BAIAP3: variants seen among roughly 807,000 people sequenced by gnomAD.
BAIAP3 encodes BAI1-associated protein 3.
In BAIAP3, 180 loss-of-function variants were observed where a neutral mutation model predicts 149.7. That is an observed-to-expected ratio of 1.20 (90% CI 1.07 to 1.36). BAIAP3 has a LOEUF of 1.36. Ranked by LOEUF, BAIAP3 falls within the 40% of genes most tolerant of loss-of-function variation. BAIAP3 has a pLI of 0.00. For synonymous variants in BAIAP3, 845 were observed against 670.7 expected, an observed-to-expected ratio of 1.26 and a Z score of -4.02; for missense variants, 1,767 against 1,563.4, an observed-to-expected ratio of 1.13 and a Z score of -2.20.
rs758503563 is a variant in BAIAP3 at position 1,346,155 on chromosome 16, C to A, written c.2302-15C>A. On this transcript the variant is annotated splice_polypyrimidine_tract_variant and intron_variant, in intron 24 of 33. Transcript: ENST00000426824. ...AGGCCCCGGACCCATCGTTGCCTGGCCACACCTCCTCCAGCTCTGCGTGGT... is the reference window on the plus strand; with the variant it reads ...AGGCCCCGGACCCATCGTTGCCTGGACACACCTCCTCCAGCTCTGCGTGGT... 4 of 1,609,336 alleles carry A rather than the reference C, an allele frequency of 2.5e-6. No individual in the cohort carries two copies. The South Asian group carries it at 3.3e-5, about 13-fold the overall frequency.
At chr16:1,345,946 G>A (rs1357879782) in intron 23 of BAIAP3, 40 bp from the exon 24 acceptor site, 4 of 1,588,502 alleles carry the variant, frequency 2.5e-6, no homozygotes, top group Non-Finnish European at 3.4e-6. Context: ...GATGGGGCAG[G>A]GGAGGGCTCC....
intron 5 of BAIAP3, 27 bp downstream of exon 5, chr16:1,339,630 A>C (rs772743434): frequency 8.9e-6 from 14 of 1,570,030 alleles, no homozygotes; most frequent in Non-Finnish European, 1.1e-5. Flanking sequence ...CCCGACCCAG[A>C]CCCTGACAGC....
Position 1,349,353 on chromosome 16 carries a change from C to A in BAIAP3, c.*871C>A, listed in dbSNP as rs764102495. 1 of 1,499,784 alleles carries A rather than the reference C, an allele frequency of 6.7e-7. No homozygotes were observed. The highest frequency in any genetic ancestry group is 1.7e-5 in the Admixed American group (1 of 59,816). 92.9% of individuals were successfully genotyped at this position (1,499,784 alleles called of 1,614,324 possible). A position where few individuals can be genotyped will look rare whatever the true frequency, so the allele number is the denominator to read the frequency against. On this transcript the variant is annotated 3_prime_UTR_variant, in exon 34 of 34. Transcript: ENST00000426824. The stretch of plus-strand genomic sequence containing the variant: ...CAGTCCTGCCAGCAGCCGCAAAGAG[C>A]CGAGGCTGCCAGGCCCATTTATGTC...
At chr16:1,342,484 A>C in intron 11 of BAIAP3, 43 bp from the exon 12 acceptor site, 1 of 1,505,218 alleles carries the variant, frequency 6.6e-7, no homozygotes. Flanking sequence ...GTGGAAGGGG[A>C]GGGGGAGGAG....
intron 2 of BAIAP3, 52 bp downstream of exon 2, chr16:1,338,732 G>C (rs1199305206): frequency 1.3e-6 from 2 of 1,561,402 alleles, no homozygotes; most frequent in African/African-American, 1.4e-5. Context: ...TTTCCCGCCA[G>C]ACTTCACACA....
In BAIAP3 at chr16:1,341,484, C is replaced by A; in HGVS notation, c.726C>A (p.Phe242Leu). ...TGAACCCCGTCTGGAAGGAGCACTTCCTCTTGTGAGGCCCTCGCCCGTCTG... is the reference window on the plus strand; with the variant it reads ...TGAACCCCGTCTGGAAGGAGCACTTACTCTTGTGAGGCCCTCGCCCGTCTG... ...STLNPVWKEH[F>L]LFEIEDVSTD... Residue 242 changes from phenylalanine to leucine, a missense_variant, in exon 8 of 34, where the codon TTC becomes TTA. Transcript: ENST00000426824. 1 of 1,607,770 alleles carries A rather than the reference C, an allele frequency of 6.2e-7. No individual in the cohort carries two copies. Among genetic ancestry groups the A allele is most frequent in the African/African-American group, 1.3e-5 (1 of 74,964 alleles).
intron 2 of BAIAP3, 91 bp downstream of exon 2, chr16:1,338,771 C>A: frequency 6.4e-7 from 1 of 1,571,146 alleles, no homozygotes; most frequent in Non-Finnish European, 8.6e-7. Flanking sequence ...CACCCCTGGG[C>A]GGGAAGGAGG....
Position 1,344,163 on chromosome 16 carries a change from G to A in BAIAP3, c.1511+17G>A, listed in dbSNP as rs768122213. The A allele has an allele frequency of 2.5e-6, 4 of 1,611,936 alleles. No individual in the cohort carries two copies. The highest frequency in any genetic ancestry group is 2.7e-5 in the African/African-American group (2 of 74,918). On this transcript the variant is annotated intron_variant, in intron 16 of 33. Transcript: ENST00000426824. ...GCTGCTGAAGTGGGTGCAGCGCCGC[G>A]TGTCAGCGTGGGTGGGGGCGGCTGG...
intron 14 of BAIAP3, 128 bp downstream of exon 14, chr16:1,343,144 AGGT>A (rs2034045363): frequency 1.8e-6 from 2 of 1,091,704 alleles, no homozygotes; most frequent in South Asian, 3.0e-5. Context: ...GGTGCTGAGT[AGGT>A]GGGGCTGCGC....
Position 1,344,960 on chromosome 16 carries a change from C to A in BAIAP3, c.1810-9C>A. On this transcript the variant is annotated splice_polypyrimidine_tract_variant and intron_variant, in intron 20 of 33. Transcript: ENST00000426824. ...GCTGCTGGAGGCCTGATCCTGCTGT[C>A]CCGGACAGGTGGCTGAGGAGGCGTG... The A allele has an allele frequency of 6.2e-7, 1 of 1,613,370 alleles. No homozygotes were observed. The highest frequency in any genetic ancestry group is 8.5e-7 in the Non-Finnish European group (1 of 1,179,994).
At position 1,347,537 on chromosome 16, in the gene BAIAP3, C is replaced by G. The variant is rs373949760; in HGVS notation, c.2824-8C>G. 1.4e-4 allele frequency: 228 copies of G among 1,601,328 alleles called. 1 individual carries two copies. In the African/African-American group the frequency reaches 2.7e-3, roughly 19 times the overall value. ...CAGGGGCCCCTCCTGATGCGCTTCC[C>G]CCTGCAGAGGCTGAAGGAGGAGCTG... On this transcript the variant is annotated splice_region_variant and splice_polypyrimidine_tract_variant and intron_variant, in intron 29 of 33. Transcript: ENST00000426824.
At position 1,341,310 on chromosome 16, in the gene BAIAP3, C is replaced by T. The variant is rs1194227097; in HGVS notation, c.552C>T (p.Tyr184=). The T allele has an allele frequency of 1.2e-6, 2 of 1,611,004 alleles. No homozygotes were observed. The highest frequency in any genetic ancestry group is 2.2e-5 in the East Asian group (1 of 44,844). ...CGTGCCCAGGCTTCAGCGACCCATA[C>T]TGCATGCTGGGCATCCTGCCTGCCT... is the stretch of plus-strand genomic sequence containing the variant. ...AKDPNGFSDP[Y]CMLGILPASD... Residue 184 remains tyrosine (Y), a synonymous_variant, in exon 8 of 34, where the codon TAC becomes TAT. Coordinates refer to ENST00000426824, the MANE Select transcript of BAIAP3 (RefSeq NM_001199097.2).
intron 1 of BAIAP3, chr16:1,336,299 TG>T (rs1211233893): frequency 6.1e-6 from 6 of 985,222 alleles, no homozygotes; most frequent in Non-Finnish European, 7.2e-6. Context: ...CGACTGGCTG[TG>T]GGGGTGACAG....
chr16:1,348,364 C>G lies in BAIAP3; in HGVS notation c.3356-15C>G. ...CTGACCCCGGCCCCCACACACCTGC[C>G]CGCGCTGCTTGCAGTGAGATCTGCG... On this transcript the variant is annotated splice_polypyrimidine_tract_variant and intron_variant, in intron 33 of 33. Coordinates refer to ENST00000426824, the MANE Select transcript of BAIAP3 (RefSeq NM_001199097.2). The G allele has an allele frequency of 6.2e-7, 1 of 1,611,198 alleles. No homozygotes were observed. The highest frequency in any genetic ancestry group is 2.2e-5 in the East Asian group (1 of 44,822).
Position 1,349,374 on chromosome 16 carries a change from A to C in BAIAP3, c.*892A>C. The C allele has an allele frequency of 5.8e-6, 9 of 1,558,716 alleles. No individual in the cohort carries two copies. The highest frequency in any genetic ancestry group is 8.0e-6 in the Non-Finnish European group (9 of 1,130,812). ...AGAGCCGAGGCTGCCAGGCCCATTT[A>C]TGTCCCTCATGTCTCTAGATTTTCT... On this transcript the variant is annotated 3_prime_UTR_variant, in exon 34 of 34. Coordinates refer to ENST00000426824, the MANE Select transcript of BAIAP3 (RefSeq NM_001199097.2).
rs776052974 is a variant in BAIAP3, at chr16:1,338,924, T to A, written c.154T>A (p.Phe52Ile). 3.1e-6 allele frequency: 5 copies of A among 1,612,858 alleles called. No individual in the cohort carries two copies. The highest frequency in any genetic ancestry group is 1.3e-5 in the African/African-American group (1 of 74,868). ...GAWKPGDGVE[F>I]FAHMRLMLKK... ...CAGGAAACCCGGGGATGGCGTGGAG[T>A]TCTTTGCCCACATGCGCCTCATGCT... is the stretch of plus-strand genomic sequence containing the variant. Residue 52 changes from phenylalanine (F) to isoleucine (I), a missense_variant, in exon 3 of 34, where the codon TTC becomes ATC. Transcript: ENST00000426824.
At chr16:1,343,151 G>A in intron 14 of BAIAP3, 135 bp downstream of exon 14, 1 of 1,124,114 alleles carries the variant, frequency 8.9e-7, no homozygotes, top group Non-Finnish European at 1.3e-6. Flanking sequence ...AGTAGGTGGG[G>A]CTGCGCTGAT....
chr16:1,344,341 G>T, intron 17 of BAIAP3, 24 bp downstream of exon 17: 1 of 1,613,392 alleles, frequency 6.2e-7, no homozygotes, highest in Non-Finnish European at 8.5e-7. Flanking sequence ...CCCAGTGGAG[G>T]CCGGCTGCTA....
chr16:1,346,386 CGTG>C (rs771610759), intron 25 of BAIAP3, 25 bp downstream of exon 25: 1 of 1,611,116 alleles, frequency 6.2e-7, no homozygotes, highest in African/African-American at 1.3e-5. Flanking sequence ...GAGACCAAGG[CGTG>C]GAGGCAGTCC....
Sources: allele counts gnomAD v4.1 joint callset, GRCh38; gene constraint gnomAD v4.1.1; transcripts MANE v1.5; gene names NCBI Gene and HGNC (gene_info 2026-07-23, HGNC 2026-07-21).